The following OLFM3 variants were observed in gnomAD, a reference collection of about 807,000 sequenced individuals.
OLFM3 encodes noelin-3.
In OLFM3, 20 loss-of-function variants were observed where a neutral mutation model predicts 48.6. That is an observed-to-expected ratio of 0.41 (90% CI 0.29 to 0.60). The LOEUF (loss-of-function observed/expected upper bound fraction) is 0.60. Ranked by LOEUF, OLFM3 falls within the 20% of genes least tolerant of loss-of-function variation. OLFM3 has a pLI of 0.28. For synonymous variants in OLFM3, 222 were observed against 198.1 expected (o/e 1.12, Z -1.01); for missense variants, 437 against 544.3 (o/e 0.80, Z 1.96).
At chr1:101,967,967 A>T (rs143397287) in intron 1 of OLFM3, among the ~76,000 whole-genome samples, 2 of 152,288 alleles carry the variant, frequency 1.3e-5, no homozygotes, top group South Asian at 2.1e-4. Context: ...TGGATCAAAC[A>T]TACGAAGAAA....
At chr1:101,861,462 C>T (rs571094544) in intron 1 of OLFM3, among the ~76,000 whole-genome samples, 3 of 152,334 alleles carry the variant, frequency 2.0e-5, no homozygotes, top group African/African-American at 7.2e-5. Context: ...ATCTACGTTA[C>T]TACTGTCTCA....
intron 1 of OLFM3, among the ~76,000 whole-genome samples, chr1:101,900,364 A>G (rs1557723000): frequency 6.6e-6 from 1 of 152,188 alleles, no homozygotes; most frequent in South Asian, 2.1e-4. Context: ...TTTGATTAAC[A>G]AAGTTTTCCC....
chr1:101,889,512 CA>C (rs1347276973), intron 1 of OLFM3, among the ~76,000 whole-genome samples: 1 of 151,854 alleles, frequency 6.6e-6, no homozygotes, highest in Non-Finnish European at 1.5e-5. Context: ...TGGAGTGGGT[CA>C]AGGGGGGAGG....
At chr1:101,824,682 CAA>C (rs1553170417) in intron 4 of OLFM3, among the ~76,000 whole-genome samples, 6 of 135,868 alleles carry the variant, frequency 4.4e-5, no homozygotes, top group Admixed American at 2.2e-4. Flanking sequence ...ACAACAACAA[CAA>C]AAAACAGTTT....
At chr1:101,806,288 A>G in intron 4 of OLFM3, 106 bp from the exon 5 acceptor site, 1 of 766,174 alleles carries the variant, frequency 1.3e-6, no homozygotes, top group Non-Finnish European at 2.3e-6. Context: ...AAGCCAATCC[A>G]TGGAATTAAT....
In OLFM3 at chr1:101,819,587, G is replaced by A. The variant is rs779015051; in HGVS notation, c.592+5439C>T. ...GTGAGGGGGAGATAAAAGATGTGGC[G>A]ATTGCATGGCGGTGTGAAGTTCAGA... On this transcript the variant is annotated intron_variant, in intron 4 of 5. Coordinates refer to ENST00000370103, the MANE Select transcript of OLFM3 (RefSeq NM_058170.4). 3.0e-4 allele frequency among the ~76,000 whole-genome samples: 46 copies of A among 151,982 alleles called. 1 individual carries two copies. The highest frequency in any genetic ancestry group is 6.2e-4 in the Non-Finnish European group (42 of 67,976).
intron 1 of OLFM3, among the ~76,000 whole-genome samples, chr1:101,879,429 A>C (rs2100987946): frequency 6.6e-6 from 1 of 151,906 alleles, no homozygotes; most frequent in Middle Eastern, 3.4e-3. Context: ...CTATATCTTA[A>C]ATTATTTGAT....
intron 1 of OLFM3, among the ~76,000 whole-genome samples, chr1:101,890,133 T>C (rs1657932959): frequency 6.6e-6 from 1 of 152,068 alleles, no homozygotes; most frequent in Non-Finnish European, 1.5e-5. Flanking sequence ...TCTTGGAACA[T>C]AATGATCTTG....
intron 1 of OLFM3, among the ~76,000 whole-genome samples, chr1:101,879,509 T>C (rs746156180): frequency 2.6e-5 from 4 of 152,022 alleles, no homozygotes; most frequent in Middle Eastern, 3.4e-3. Context: ...ATATTTTATA[T>C]GTCTTACTGT....
intron 1 of OLFM3, among the ~76,000 whole-genome samples, chr1:101,976,929 A>G (rs192089470): frequency 5.9e-5 from 9 of 152,146 alleles, no homozygotes; most frequent in African/African-American, 1.7e-4. Flanking sequence ...GAAGTGATAC[A>G]AAGTGGGAAG....
At chr1:101,922,259 C>G (rs1464294704) in intron 1 of OLFM3, among the ~76,000 whole-genome samples, 3 of 152,082 alleles carry the variant, frequency 2.0e-5, no homozygotes, top group African/African-American at 7.2e-5. Flanking sequence ...CTTATTATTA[C>G]TAAATTAGTT....
chr1:101,960,647 CTTA>C (rs1660439887), intron 1 of OLFM3, among the ~76,000 whole-genome samples: 1 of 151,352 alleles, frequency 6.6e-6, no homozygotes, highest in Admixed American at 6.6e-5. Flanking sequence ...GCCAAATTGC[CTTA>C]TTAATTCTCA....
chr1:101,903,772 GGTATCTGAAAAACTGAAACAAAACATT>G (rs1323493122), intron 1 of OLFM3, among the ~76,000 whole-genome samples: 3 of 151,804 alleles, frequency 2.0e-5, no homozygotes, highest in Non-Finnish European at 4.4e-5. Context: ...AAGGAAATTT[GGTATCTGAAAAACTGAAACAAAACATT>G]GTGATATTTT....
intron 1 of OLFM3, among the ~76,000 whole-genome samples, chr1:101,876,338 C>G (rs752365448): frequency 1.3e-5 from 2 of 151,952 alleles, no homozygotes; most frequent in South Asian, 2.1e-4. Flanking sequence ...AAGCTCCCTC[C>G]TCCATACGGC....
chr1:101,845,768 G>A (rs894763858), intron 1 of OLFM3, among the ~76,000 whole-genome samples: 1 of 152,210 alleles, frequency 6.6e-6, no homozygotes, highest in Non-Finnish European at 1.5e-5. Flanking sequence ...GCAGGTCAAA[G>A]TGTGGCTTGT....
chr1:101,933,498 C>A (rs565146962), intron 1 of OLFM3, among the ~76,000 whole-genome samples: 1 of 151,762 alleles, frequency 6.6e-6, no homozygotes, highest in Admixed American at 6.6e-5. Context: ...CATTGGCATC[C>A]CTGAAAAAAA....
At chr1:101,892,439 T>G (rs1213159084) in intron 1 of OLFM3, among the ~76,000 whole-genome samples, 1 of 152,074 alleles carries the variant, frequency 6.6e-6, no homozygotes, top group Non-Finnish European at 1.5e-5. Flanking sequence ...TGCGCATGTA[T>G]CTAACAAACA....
chr1:101,950,360 C>A (rs1290101097), intron 1 of OLFM3, among the ~76,000 whole-genome samples: 2 of 152,130 alleles, frequency 1.3e-5, no homozygotes, highest in Non-Finnish European at 2.9e-5. Flanking sequence ...CAGCTGAACC[C>A]TTTACCCTTT....
intron 1 of OLFM3, among the ~76,000 whole-genome samples, chr1:101,862,271 C>G (rs1656690890): frequency 2.0e-5 from 3 of 152,186 alleles, no homozygotes; most frequent in Admixed American, 2.0e-4. Flanking sequence ...GATCTGATTT[C>G]AAACGGCAGA....
Sources: gnomAD v4.1 joint callset for allele counts (sites outside exome capture counted in the v4.1 genomes callset) on GRCh38, gnomAD v4.1.1 for gene constraint, MANE v1.5 for transcripts, NCBI Gene and HGNC (gene_info 2026-07-23, HGNC 2026-07-21) for gene names.